The following KCNB2 variants were observed in gnomAD, a reference collection of about 807,000 sequenced individuals.
The protein encoded by KCNB2 is potassium voltage-gated channel subfamily B member 2.
Under a neutral mutation model 61.5 loss-of-function variants are expected in KCNB2, and 15 were observed. The ratio of observed to expected loss-of-function variants is 0.24; its 90% CI spans 0.16 to 0.38. KCNB2 has a LOEUF of 0.38. KCNB2 is among the 10% of genes least tolerant of loss of function. The pLI, the probability that KCNB2 is intolerant of heterozygous loss-of-function variation, is 1.00. For missense variants in KCNB2, 828 were observed against 1,125.2 expected, an observed-to-expected ratio of 0.74 and a Z score of 3.78; for synonymous variants, 457 against 446.0, an observed-to-expected ratio of 1.02 and a Z score of -0.31.
intron 2 of KCNB2, among the ~76,000 whole-genome samples, chr8:72,734,531 A>G (rs1027197127): frequency 2.6e-5 from 4 of 152,180 alleles, no homozygotes; most frequent in Non-Finnish European, 5.9e-5. Flanking sequence ...CTGAAAAGGT[A>G]TTTTTAAGAA....
intron 2 of KCNB2, among the ~76,000 whole-genome samples, chr8:72,862,376 G>A (rs2129004114): frequency 6.6e-6 from 1 of 152,260 alleles, no homozygotes; most frequent in Non-Finnish European, 1.5e-5. Flanking sequence ...TAGTATTTTT[G>A]CCAGCTGTGG....
intron 2 of KCNB2, among the ~76,000 whole-genome samples, chr8:72,688,226 T>C (rs1404828437): frequency 6.6e-6 from 1 of 152,222 alleles, no homozygotes; most frequent in African/African-American, 2.4e-5. Context: ...CATGGTCCTG[T>C]AACTTTCAGG....
intron 2 of KCNB2, among the ~76,000 whole-genome samples, chr8:72,703,762 A>T (rs1807172335): frequency 6.6e-6 from 1 of 152,218 alleles, no homozygotes. Flanking sequence ...AAATAAAACC[A>T]TGGGAGTAGC....
At position 72,936,051 on chromosome 8, in the gene KCNB2, A is replaced by G; in HGVS notation, c.696A>G (p.Gln232=). Residue 232 remains glutamine (Q), a synonymous_variant, in exon 3 of 3, where the codon CAA becomes CAG. Transcript: ENST00000523207. The surrounding 1 kb of genome is among the most constrained non-coding windows in gnomAD (Gnocchi z 5.6). ...TTGGACAACTCAATGACAACCGCCA[A>G]TTAGCACACGTGGAGGCTGTGTGTA... ...DEFGQLNDNR[Q]LAHVEAVCIA... The G allele has an allele frequency of 6.2e-7, 1 of 1,614,178 alleles. No individual in the cohort carries two copies. Among genetic ancestry groups the G allele is most frequent in the Non-Finnish European group, 8.5e-7 (1 of 1,180,004 alleles).
At chr8:72,781,528 C>T (rs1808754591) in intron 2 of KCNB2, among the ~76,000 whole-genome samples, 1 of 152,052 alleles carries the variant, frequency 6.6e-6, no homozygotes, top group Non-Finnish European at 1.5e-5. Context: ...TGTGGGTGTG[C>T]AGTCTTATTT....
intron 2 of KCNB2, among the ~76,000 whole-genome samples, chr8:72,934,229 A>C (rs917066594): frequency 1.3e-5 from 2 of 152,004 alleles, no homozygotes; most frequent in Non-Finnish European, 2.9e-5. Flanking sequence ...TTAGCTGAGC[A>C]TGGTGGTGCA....
intron 2 of KCNB2, among the ~76,000 whole-genome samples, chr8:72,614,588 A>G (rs148666840): frequency 1.6e-4 from 24 of 152,286 alleles, no homozygotes; most frequent in Admixed American, 4.6e-4. Flanking sequence ...AGTGGACACA[A>G]TTGCTCTTGT....
intron 1 of KCNB2, among the ~76,000 whole-genome samples, chr8:72,561,733 ATC>A (rs1222200444): frequency 0.095 from 1,731 of 18,128 alleles, 154 homozygotes; most frequent in African/African-American, 0.27. Context: ...ATATATCTAT[ATC>A]TATATATATA....
At chr8:72,900,761 A>G (rs561135737) in intron 2 of KCNB2, among the ~76,000 whole-genome samples, 26 of 152,208 alleles carry the variant, frequency 1.7e-4, no homozygotes, top group Non-Finnish European at 3.1e-4. Context: ...ATTACTAATC[A>G]TCTGAGAAAT....
At chr8:72,774,606 C>T (rs920709200) in intron 2 of KCNB2, among the ~76,000 whole-genome samples, 1 of 152,126 alleles carries the variant, frequency 6.6e-6, no homozygotes, top group African/African-American at 2.4e-5. Flanking sequence ...ACCTTGGCCT[C>T]CCAAAGTGCT....
intron 2 of KCNB2, among the ~76,000 whole-genome samples, chr8:72,691,232 G>C (rs906935655): frequency 3.3e-5 from 5 of 152,184 alleles, no homozygotes; most frequent in Non-Finnish European, 7.3e-5. Context: ...CTGAGTACCA[G>C]ACTTTCTCAC....
chr8:72,625,401 G>T (rs1805773876), intron 2 of KCNB2, among the ~76,000 whole-genome samples: 1 of 152,112 alleles, frequency 6.6e-6, no homozygotes, highest in Admixed American at 6.6e-5. Context: ...AAATGGGAAA[G>T]AAAAATTTAC....
chr8:72,542,816 G>T (rs1441154413), intron 1 of KCNB2, among the ~76,000 whole-genome samples: 1 of 152,156 alleles, frequency 6.6e-6, no homozygotes, highest in Non-Finnish European at 1.5e-5. Context: ...TCCCTTCAGG[G>T]TTCTCATTTG....
At chr8:72,844,129 C>T (rs1449496200) in intron 2 of KCNB2, among the ~76,000 whole-genome samples, 1 of 152,148 alleles carries the variant, frequency 6.6e-6, no homozygotes, top group Admixed American at 6.5e-5. Context: ...TTAAGGCAGG[C>T]CTGGTGGTGA....
chr8:72,858,527 C>T (rs971801600), intron 2 of KCNB2, among the ~76,000 whole-genome samples: 38 of 152,154 alleles, frequency 2.5e-4, no homozygotes, highest in African/African-American at 8.7e-4. Context: ...TTTTTTCATA[C>T]CTGCTTTGTT....
chr8:72,632,367 A>G (rs1398981702), intron 2 of KCNB2, among the ~76,000 whole-genome samples: 2 of 152,322 alleles, frequency 1.3e-5, no homozygotes, highest in South Asian at 4.1e-4. Context: ...GCACACAGCC[A>G]CACTCACTCA....
chr8:72,640,061 A>G (rs1248897178), intron 2 of KCNB2, among the ~76,000 whole-genome samples: 1 of 151,886 alleles, frequency 6.6e-6, no homozygotes, highest in Non-Finnish European at 1.5e-5. Context: ...GTCTAGCATT[A>G]TAGCCCAAGA....
At chr8:72,812,083 G>A (rs1809316265) in intron 2 of KCNB2, among the ~76,000 whole-genome samples, 1 of 152,112 alleles carries the variant, frequency 6.6e-6, no homozygotes, top group Non-Finnish European at 1.5e-5. Context: ...CCAACATGGT[G>A]AAATCCCGTC....
intron 2 of KCNB2, among the ~76,000 whole-genome samples, chr8:72,608,589 C>A (rs1379388247): frequency 1.3e-5 from 2 of 151,968 alleles, no homozygotes; most frequent in African/African-American, 4.8e-5. Flanking sequence ...CTCCTGGAAG[C>A]TAGAGAGAAG....
Sources: allele counts gnomAD v4.1 joint callset (sites outside exome capture counted in the v4.1 genomes callset), GRCh38; gene constraint gnomAD v4.1.1; non-coding constraint Gnocchi (gnomAD v3.1); transcripts MANE v1.5; gene names NCBI Gene and HGNC (gene_info 2026-07-23, HGNC 2026-07-21).